The following DOCK8 variants were observed in gnomAD, a reference collection of about 807,000 sequenced individuals.
DOCK8 encodes the protein dedicator of cytokinesis 8.
A neutral mutation model predicts 245.6 loss-of-function variants in DOCK8; 141 were observed. The observed-to-expected ratio is 0.57, with a 90% CI of 0.50 to 0.66. DOCK8 has a LOEUF of 0.66. Among genes scored for constraint, DOCK8 ranks in the 30% least tolerant of loss-of-function variants. The pLI is 0.00. For synonymous variants in DOCK8, 1,168 were observed against 970.2 expected, an observed-to-expected ratio of 1.20 and a Z score of -3.79; for missense variants, 2,965 against 2,603.4, an observed-to-expected ratio of 1.14 and a Z score of -3.02.
chr9:410,893 A>G (rs574645015), intron 28 of DOCK8, among the ~76,000 whole-genome samples: 1 of 152,354 alleles, frequency 6.6e-6, no homozygotes, highest in Admixed American at 6.5e-5. Context: ...CAACACAATC[A>G]TATCACAAGA....
intron 26 of DOCK8, among the ~76,000 whole-genome samples, chr9:402,018 T>A (rs1242203966): frequency 6.6e-6 from 1 of 152,130 alleles, no homozygotes; most frequent in Non-Finnish European, 1.5e-5. Flanking sequence ...TCTTCAGTAT[T>A]TAGGATTCCA....
At chr9:387,828 A>G (rs1030098575) in intron 23 of DOCK8, among the ~76,000 whole-genome samples, 6 of 152,230 alleles carry the variant, frequency 3.9e-5, no homozygotes, top group South Asian at 4.1e-4. Context: ...CTTAAAAACC[A>G]TTATTTGCCT....
At chr9:335,451 TG>T (rs2051263706) in intron 11 of DOCK8, among the ~76,000 whole-genome samples, 1 of 152,092 alleles carries the variant, frequency 6.6e-6, no homozygotes, top group Admixed American at 6.6e-5. Context: ...AGCAGGGAAG[TG>T]GAGGAAAGGG....
At chr9:404,459 G>A (rs935339097) in intron 26 of DOCK8, among the ~76,000 whole-genome samples, 4 of 152,042 alleles carry the variant, frequency 2.6e-5, no homozygotes, top group Admixed American at 1.3e-4. Context: ...TTTCCAATGG[G>A]GCCTTTAATT....
chr9:287,947 GAGGATCACTTGAGCCC>G (rs746677050), intron 3 of DOCK8, among the ~76,000 whole-genome samples: 45 of 152,098 alleles, frequency 3.0e-4, no homozygotes, highest in Non-Finnish European at 5.1e-4. Context: ...GCTGAGGCAA[GAGGATCACTTGAGCCC>G]AGGAATTTGA....
intron 33 of DOCK8, among the ~76,000 whole-genome samples, chr9:424,242 C>A (rs1355779934): frequency 6.6e-6 from 1 of 151,936 alleles, no homozygotes; most frequent in East Asian, 1.9e-4. Context: ...ATTAGAATCA[C>A]CTGGGGAGCT....
At chr9:386,266 T>C in intron 22 of DOCK8, 65 bp from the exon 23 acceptor site, 1 of 1,410,440 alleles carries the variant, frequency 7.1e-7, no homozygotes, top group African/African-American at 1.4e-5. Flanking sequence ...AGGTTGTGAT[T>C]TCCAGATGTC....
chr9:219,222 C>T (rs1297340030), intron 1 of DOCK8, among the ~76,000 whole-genome samples: 1 of 152,198 alleles, frequency 6.6e-6, no homozygotes. Context: ...GTAATCTCAG[C>T]ATTTTGGGAG....
At chr9:379,154 G>A (rs918693220) in intron 20 of DOCK8, among the ~76,000 whole-genome samples, 2 of 152,154 alleles carry the variant, frequency 1.3e-5, no homozygotes, top group Admixed American at 6.5e-5. Context: ...GAGCCAAAAA[G>A]GGTACAAGGT....
At chr9:435,100 G>A in intron 39 of DOCK8, 125 bp downstream of exon 39, 5 of 1,120,520 alleles carry the variant, frequency 4.5e-6, no homozygotes, top group Non-Finnish European at 6.5e-6. Context: ...GGATGGGTGA[G>A]TAGGTGCTAC....
At chr9:287,439 C>T (rs534936287) in intron 3 of DOCK8, among the ~76,000 whole-genome samples, 1 of 152,202 alleles carries the variant, frequency 6.6e-6, no homozygotes, top group Non-Finnish European at 1.5e-5. Flanking sequence ...TTCATATCCT[C>T]CTGGACAGGT....
At chr9:304,453 T>C in intron 4 of DOCK8, 128 bp from the exon 5 acceptor site, 1 of 1,220,314 alleles carries the variant, frequency 8.2e-7, no homozygotes, top group Non-Finnish European at 1.2e-6. Context: ...GGAATTATAA[T>C]TGGTTCCCTC....
chr9:238,454 A>G (rs1466815348), intron 1 of DOCK8, among the ~76,000 whole-genome samples: 1 of 152,252 alleles, frequency 6.6e-6, no homozygotes, highest in East Asian at 1.9e-4. Context: ...ATAAAAAGTT[A>G]ACATGGACAA....
At chr9:385,316 A>G (rs181466184) in intron 22 of DOCK8, among the ~76,000 whole-genome samples, 1 of 152,282 alleles carries the variant, frequency 6.6e-6, no homozygotes, top group Non-Finnish European at 1.5e-5. Context: ...TTAGTTTCTT[A>G]GTTTTGACAA....
chr9:460,775 C>G (rs766509195), intron 46 of DOCK8, among the ~76,000 whole-genome samples: 6 of 152,232 alleles, frequency 3.9e-5, no homozygotes, highest in Non-Finnish European at 5.9e-5. Context: ...TTCCTTGCCA[C>G]ATGCTATCCT....
intron 1 of DOCK8, among the ~76,000 whole-genome samples, chr9:235,443 A>G (rs1400829158): frequency 6.6e-6 from 1 of 152,202 alleles, no homozygotes; most frequent in Non-Finnish European, 1.5e-5. Flanking sequence ...GGGACATTTA[A>G]GTCTGCAGAG....
chr9:399,848 C>G (rs2054662049), intron 26 of DOCK8, among the ~76,000 whole-genome samples: 1 of 151,908 alleles, frequency 6.6e-6, no homozygotes, highest in African/African-American at 2.4e-5. Flanking sequence ...ATATAAATAG[C>G]AGTTATTGTT....
rs146903530 is a variant in DOCK8 at position 312,086 on chromosome 9, G to C, written c.661G>C (p.Asp221His). Residue 221 changes from aspartate (D) to histidine (H), a missense_variant, in exon 6 of 48, where the codon GAC becomes CAC. Coordinates refer to ENST00000432829, the MANE Select transcript of DOCK8 (RefSeq NM_203447.4). ...CCTCCTGCAGCAAGTGAGTGCCGAG[G>C]ACTTTGAGAAGCAGAACGAGGAGGC... Reference protein sequence around the residue: ...ENLLQQVSAEDFEKQNEEARR... With the variant: ...ENLLQQVSAEHFEKQNEEARR... 1.2e-6 allele frequency: 2 copies of C among 1,614,116 alleles called. No homozygotes were observed. The highest frequency in any genetic ancestry group is 2.7e-5 in the African/African-American group (2 of 74,938).
In DOCK8 at chr9:243,358, G is replaced by A. The variant is rs565339541; in HGVS notation, c.54-28269G>A. On this transcript the variant is annotated intron_variant, in intron 1 of 47. Coordinates refer to ENST00000432829, the MANE Select transcript of DOCK8 (RefSeq NM_203447.4). ...GTGAATCGCACTGCAAACAGAACAC[G>A]GGTCACTGTTGTTTTCCTGATCTGG... Among the ~76,000 whole-genome samples, 203 of 152,274 alleles carry A rather than the reference G, an allele frequency of 1.3e-3. 1 individual carries two copies. The highest frequency in any genetic ancestry group is 3.4e-3 in the Middle Eastern group (1 of 294).
Sources: allele counts gnomAD v4.1 joint callset (sites outside exome capture counted in the v4.1 genomes callset), GRCh38; gene constraint gnomAD v4.1.1; transcripts MANE v1.5; gene names NCBI Gene and HGNC (gene_info 2026-07-23, HGNC 2026-07-21).